OPRM1: variants seen among roughly 807,000 people sequenced by gnomAD.
OPRM1 encodes the protein mu-type opioid receptor.
OPRM1 carries 27 observed loss-of-function variants against 31.8 expected under a neutral mutation model. That is an observed-to-expected ratio of 0.85 (90% confidence interval 0.63 to 1.17). The LOEUF (loss-of-function observed/expected upper bound fraction) is 1.17, where lower values mean the gene tolerates loss of function less well. Ranked by LOEUF, OPRM1 falls within the 50% of genes most tolerant of loss-of-function variation. OPRM1 has a pLI of 0.00. For missense variants in OPRM1, 536 were observed against 511.1 expected, an observed-to-expected ratio of 1.05 and a Z score of -0.47; for synonymous variants, 196 against 189.9, an observed-to-expected ratio of 1.03 and a Z score of -0.26.
chr6:154,209,371 C>G (rs1363927848), intron 3 of OPRM1, among the ~76,000 whole-genome samples: 1 of 152,146 alleles, frequency 6.6e-6, no homozygotes, highest in African/African-American at 2.4e-5. Flanking sequence ...AAAGCTATGA[C>G]TGAGTGCAGT....
chr6:154,100,934 T>C (rs1199571892), intron 3 of OPRM1, among the ~76,000 whole-genome samples: 1 of 148,412 alleles, frequency 6.7e-6, no homozygotes, highest in African/African-American at 2.4e-5. Flanking sequence ...TTACATATTA[T>C]ATATATAAAT....
At chr6:154,070,208 G>T (rs1786369420) in intron 1 of OPRM1, among the ~76,000 whole-genome samples, 1 of 152,214 alleles carries the variant, frequency 6.6e-6, no homozygotes, top group South Asian at 2.1e-4. Flanking sequence ...TGCAGCTCAT[G>T]CACTGCCTCC....
intron 3 of OPRM1, among the ~76,000 whole-genome samples, chr6:154,188,273 T>C (rs1244324991): frequency 6.6e-6 from 1 of 152,182 alleles, no homozygotes; most frequent in Non-Finnish European, 1.5e-5. Context: ...CTATGAAATA[T>C]ATAGAACTAA....
intron 3 of OPRM1, among the ~76,000 whole-genome samples, chr6:154,103,845 G>T (rs972975434): frequency 1.1e-4 from 17 of 152,120 alleles, no homozygotes; most frequent in African/African-American, 4.1e-4. Flanking sequence ...ATGGGTTTTG[G>T]CCGGCTCCTT....
chr6:154,110,764 G>A (rs543889001), intron 3 of OPRM1, among the ~76,000 whole-genome samples: 2 of 151,946 alleles, frequency 1.3e-5, no homozygotes, highest in East Asian at 1.9e-4. Flanking sequence ...GCGGGCACCT[G>A]TAGTCCCAGC....
chr6:154,059,605 T>G (rs1583288372), intron 1 of OPRM1, among the ~76,000 whole-genome samples: 1 of 152,368 alleles, frequency 6.6e-6, no homozygotes, highest in East Asian at 1.9e-4. Context: ...ATTCCGGTTT[T>G]AAGAATGCAA....
intron 3 of OPRM1, among the ~76,000 whole-genome samples, chr6:154,191,215 T>C (rs948957487): frequency 2.6e-5 from 4 of 151,978 alleles, no homozygotes; most frequent in Non-Finnish European, 5.9e-5. Context: ...GTAAAAAAGA[T>C]GAGAGGTTGT....
At chr6:154,042,338 G>A (rs921497884) in intron 1 of OPRM1, among the ~76,000 whole-genome samples, 3 of 152,112 alleles carry the variant, frequency 2.0e-5, no homozygotes, top group South Asian at 2.1e-4. Flanking sequence ...ATCAGTTCAG[G>A]GATGTATTGT....
chr6:154,140,979 CTT>C (rs1798192458), intron 3 of OPRM1, among the ~76,000 whole-genome samples: 1 of 152,206 alleles, frequency 6.6e-6, no homozygotes, highest in Non-Finnish European at 1.5e-5. Context: ...CAGTACTAGA[CTT>C]ACAGTTTGAT....
At chr6:154,097,772 GA>G (rs1793655931) in intron 3 of OPRM1, among the ~76,000 whole-genome samples, 1 of 152,168 alleles carries the variant, frequency 6.6e-6, no homozygotes, top group South Asian at 2.1e-4. Context: ...TTTATCCCTA[GA>G]AAAATTTGGC....
At chr6:154,058,614 A>G (rs1783794957) in intron 1 of OPRM1, among the ~76,000 whole-genome samples, 1 of 152,212 alleles carries the variant, frequency 6.6e-6, no homozygotes, top group African/African-American at 2.4e-5. Context: ...ATAAACATGA[A>G]CGTAGTAGAA....
At chr6:154,180,509 C>G (rs981395578) in intron 3 of OPRM1, among the ~76,000 whole-genome samples, 4 of 151,618 alleles carry the variant, frequency 2.6e-5, no homozygotes, top group Non-Finnish European at 5.9e-5. Context: ...CTTTCCAAGA[C>G]CCTGCCAAAT....
intron 1 of OPRM1, among the ~76,000 whole-genome samples, chr6:154,053,839 A>T (rs1237943162): frequency 2.0e-5 from 3 of 152,236 alleles, no homozygotes; most frequent in Admixed American, 2.0e-4. Flanking sequence ...TGGGTGACAT[A>T]GAGTCCACTG....
chr6:154,110,780 G>C (rs1796257293), intron 3 of OPRM1, among the ~76,000 whole-genome samples: 1 of 151,344 alleles, frequency 6.6e-6, no homozygotes, highest in South Asian at 2.1e-4. Context: ...CCAGCTACTC[G>C]GGAGGCTGAG....
intron 3 of OPRM1, among the ~76,000 whole-genome samples, chr6:154,190,922 G>A (rs1801819607): frequency 6.6e-6 from 1 of 152,118 alleles, no homozygotes; most frequent in African/African-American, 2.4e-5. Context: ...TGGGCGTGGT[G>A]GCAGGTACCT....
intron 3 of OPRM1, chr6:154,212,863 A>G (rs773340844): frequency 6.3e-7 from 1 of 1,588,806 alleles, no homozygotes; most frequent in Non-Finnish European, 8.6e-7. Context: ...ATTCTATAAC[A>G]AAAATGAAAA....
Position 154,130,542 on chromosome 6 carries a change from A to G in OPRM1, c.*11821A>G, listed in dbSNP as rs1797837251. Among the ~76,000 whole-genome samples, 1 of 152,094 alleles carries G rather than the reference A, an allele frequency of 6.6e-6. No homozygotes were observed. ...CCATTTATAATTTAATACTCCTACC[A>G]TAAAAATTTCTGTGTTAGGCATAGC... On this transcript the variant is annotated 3_prime_UTR_variant, in exon 4 of 4. Coordinates refer to ENST00000330432, the MANE Select transcript of OPRM1 (RefSeq NM_000914.5).
At position 154,127,069 on chromosome 6, in the gene OPRM1, A is replaced by G. The variant is rs1383392224; in HGVS notation, c.*8348A>G. Among the ~76,000 whole-genome samples the G allele has an allele frequency of 1.3e-5, 2 of 150,014 alleles. No homozygotes were observed. Among genetic ancestry groups the G allele is most frequent in the Admixed American group, 6.7e-5 (1 of 14,918 alleles). ...AGTTGCAGTGAGCCAAGATCGCAGC[A>G]TTGCACTCCAGCCTGGGCAACAGAA... On this transcript the variant is annotated 3_prime_UTR_variant, in exon 4 of 4. Coordinates refer to ENST00000330432, the MANE Select transcript of OPRM1 (RefSeq NM_000914.5).
At chr6:154,149,811 C>A (rs181539050) in intron 3 of OPRM1, among the ~76,000 whole-genome samples, 1 of 152,118 alleles carries the variant, frequency 6.6e-6, no homozygotes, top group South Asian at 2.1e-4. Flanking sequence ...GTTCTGAATA[C>A]CTTGCTTATG....
Sources: allele counts gnomAD v4.1 joint callset (sites outside exome capture counted in the v4.1 genomes callset), GRCh38; gene constraint gnomAD v4.1.1; transcripts MANE v1.5; gene names NCBI Gene and HGNC (gene_info 2026-07-23, HGNC 2026-07-21).